CNTLN: variants seen among roughly 807,000 people sequenced by gnomAD.
CNTLN encodes centlein.
Under a neutral mutation model 180.0 loss-of-function variants are expected in CNTLN, and 212 were observed. The observed-to-expected ratio is 1.18, with a 90% CI of 1.05 to 1.32. The LOEUF (loss-of-function observed/expected upper bound fraction) is 1.32. Ranked by LOEUF, CNTLN falls within the 40% of genes most tolerant of loss-of-function variation. CNTLN has a pLI of 0.00. For synonymous variants in CNTLN, 722 were observed against 563.1 expected, an observed-to-expected ratio of 1.28 and a Z score of -3.99; for missense variants, 2,095 against 1,610.9, an observed-to-expected ratio of 1.30 and a Z score of -5.14.
At chr9:17,203,297 T>G in intron 2 of CNTLN, among the ~76,000 whole-genome samples, 1 of 152,182 alleles carries the variant, frequency 6.6e-6, no homozygotes, top group East Asian at 1.9e-4. Context: ...CGTTGGAGAA[T>G]CTGACGGTTA....
At chr9:17,321,070 G>A (rs182510310) in intron 8 of CNTLN, among the ~76,000 whole-genome samples, 120 of 152,202 alleles carry the variant, frequency 7.9e-4, no homozygotes, top group African/African-American at 2.7e-3. Context: ...TTGGAAACTA[G>A]TGAGGTTTTT....
intron 5 of CNTLN, among the ~76,000 whole-genome samples, chr9:17,259,854 ATTC>A (rs1800136558): frequency 7.3e-6 from 1 of 136,294 alleles, no homozygotes; most frequent in Admixed American, 7.1e-5. Flanking sequence ...CATCTATTTG[ATTC>A]TTCTCTCTTT....
At chr9:17,210,412 C>T (rs192005444) in intron 2 of CNTLN, among the ~76,000 whole-genome samples, 3,123 of 152,234 alleles carry the variant, frequency 0.021, 61 homozygotes, top group African/African-American at 0.055. Flanking sequence ...TTTATGGCTG[C>T]ATAGTAGTCC....
intron 13 of CNTLN, 74 bp from the exon 14 acceptor site, chr9:17,388,088 C>T: frequency 1.1e-6 from 1 of 944,176 alleles, no homozygotes; most frequent in Admixed American, 2.4e-5. Flanking sequence ...CCATAGAACC[C>T]TTTTTCTTAA....
chr9:17,331,223 A>G (rs1326159511), intron 9 of CNTLN, among the ~76,000 whole-genome samples: 1 of 151,874 alleles, frequency 6.6e-6, no homozygotes, highest in African/African-American at 2.4e-5. Context: ...TGTTTAAAAT[A>G]CTGTCTGTGT....
chr9:17,252,740 T>A lies in CNTLN; in HGVS notation c.849+16152T>A, dbSNP rs557029729. Reference sequence around the variant, plus strand: ...GTAGGCTGAATTTCAACCTATTTTTTCTTTTGCTGTGCAGAAGGTTTTTAT... The same window carrying A: ...GTAGGCTGAATTTCAACCTATTTTTACTTTTGCTGTGCAGAAGGTTTTTAT... On this transcript the variant is annotated intron_variant, in intron 5 of 25. Transcript: ENST00000380647. 7.9e-5 allele frequency among the ~76,000 whole-genome samples: 12 copies of A among 151,902 alleles called. 1 individual carries two copies. The South Asian group carries it at 2.5e-3, about 32-fold the overall frequency.
chr9:17,427,532 C>G (rs961900685), intron 18 of CNTLN, among the ~76,000 whole-genome samples: 7 of 152,204 alleles, frequency 4.6e-5, no homozygotes, highest in African/African-American at 1.7e-4. Flanking sequence ...CATGAACTTT[C>G]AGTGGCTGTT....
At chr9:17,514,851 T>C in the CNTLN span, among the ~76,000 whole-genome samples, 4 of 152,226 alleles carry the variant, frequency 2.6e-5, no homozygotes, top group Non-Finnish European at 5.9e-5. Context: ...CTCTGAACCA[T>C]GTGCCTTTAT....
chr9:17,171,195 GT>G (rs1303786829), intron 2 of CNTLN, among the ~76,000 whole-genome samples: 4 of 150,390 alleles, frequency 2.7e-5, no homozygotes, highest in Non-Finnish European at 5.9e-5. Flanking sequence ...TTGTTTTTTG[GT>G]GGCATTTTGT....
chr9:17,345,695 T>C (rs1358564236), intron 12 of CNTLN, among the ~76,000 whole-genome samples: 1 of 152,142 alleles, frequency 6.6e-6, no homozygotes, highest in Non-Finnish European at 1.5e-5. Flanking sequence ...ATCTCAAATA[T>C]TTTCTCTAAT....
intron 12 of CNTLN, 31 bp from the exon 13 acceptor site, chr9:17,366,586 T>G (rs10963066): frequency 9.2e-7 from 1 of 1,092,742 alleles, no homozygotes; most frequent in Non-Finnish European, 1.4e-6. Context: ...AACAATATGG[T>G]TTTAAGTAAA....
At chr9:17,438,497 A>C (rs899404664) in intron 18 of CNTLN, among the ~76,000 whole-genome samples, 21 of 152,198 alleles carry the variant, frequency 1.4e-4, no homozygotes, top group African/African-American at 5.1e-4. Context: ...TATTTGTGAC[A>C]ATGTAATACA....
chr9:17,404,852 C>T (rs1827255584), intron 15 of CNTLN, among the ~76,000 whole-genome samples: 1 of 151,314 alleles, frequency 6.6e-6, no homozygotes, highest in Non-Finnish European at 1.5e-5. Context: ...ATTCTCCTGC[C>T]TCAGCCTCCT....
At chr9:17,458,665 T>C (rs773634119) in intron 19 of CNTLN, among the ~76,000 whole-genome samples, 5 of 151,932 alleles carry the variant, frequency 3.3e-5, no homozygotes, top group Admixed American at 6.6e-5. Flanking sequence ...ATAAATAGGC[T>C]AAAATTTAAA....
intron 12 of CNTLN, among the ~76,000 whole-genome samples, chr9:17,362,854 C>T (rs1317350684): frequency 6.6e-6 from 1 of 152,074 alleles, no homozygotes; most frequent in African/African-American, 2.4e-5. Flanking sequence ...CCATCATCTA[C>T]ATTAAGTATT....
At chr9:17,307,040 T>C (rs1049573292) in intron 7 of CNTLN, among the ~76,000 whole-genome samples, 7 of 152,144 alleles carry the variant, frequency 4.6e-5, no homozygotes, top group Non-Finnish European at 8.8e-5. Context: ...CCCTTTAAGC[T>C]GTCAGGTTCC....
chr9:17,338,033 A>G (rs111533084), intron 10 of CNTLN, among the ~76,000 whole-genome samples: 14 of 152,296 alleles, frequency 9.2e-5, no homozygotes, highest in African/African-American at 3.4e-4. Flanking sequence ...AGTCTTTAAC[A>G]TAAGATACAC....
intron 10 of CNTLN, among the ~76,000 whole-genome samples, chr9:17,335,755 TG>T (rs995780509): frequency 6.6e-6 from 1 of 151,704 alleles, no homozygotes; most frequent in African/African-American, 2.4e-5. Context: ...CTGGACAACA[TG>T]GCAAAACCCT....
chr9:17,507,329 TTTTA>T (rs1338566590), downstream of CNTLN, among the ~76,000 whole-genome samples: 2 of 152,202 alleles, frequency 1.3e-5, no homozygotes, highest in Non-Finnish European at 2.9e-5. Context: ...TTTTGTTCTT[TTTTA>T]TGGCTGCATA....
Sources: gnomAD v4.1 joint callset for allele counts (sites outside exome capture counted in the v4.1 genomes callset) on GRCh38, gnomAD v4.1.1 for gene constraint, MANE v1.5 for transcripts, NCBI Gene and HGNC (gene_info 2026-07-23, HGNC 2026-07-21) for gene names.